CERS6: variants seen among roughly 807,000 people sequenced by gnomAD.
CERS6 encodes the protein ceramide synthase 6.
In CERS6, 26 loss-of-function variants were observed where a neutral mutation model predicts 56.8. The observed-to-expected ratio is 0.46, with a 90% CI of 0.34 to 0.63. The LOEUF is 0.63. CERS6 is among the 30% of genes least tolerant of loss of function. The pLI, the probability that CERS6 is intolerant of heterozygous loss-of-function variation, is 0.01. For synonymous variants in CERS6, 164 were observed against 173.3 expected (o/e 0.95, Z 0.42); for missense variants, 415 against 467.5 (o/e 0.89, Z 1.04).
chr2:168,518,685 C>T (rs887949910), intron 1 of CERS6, among the ~76,000 whole-genome samples: 21 of 152,280 alleles, frequency 1.4e-4, no homozygotes, highest in African/African-American at 5.1e-4. Context: ...AGTGTTCCTA[C>T]AGCTGTGTCT....
intron 6 of CERS6, among the ~76,000 whole-genome samples, chr2:168,710,265 T>G (rs761565098): frequency 6.6e-6 from 1 of 152,232 alleles, no homozygotes; most frequent in Non-Finnish European, 1.5e-5. Flanking sequence ...GTACTAATCC[T>G]CCATAAGTGT....
intron 3 of CERS6, among the ~76,000 whole-genome samples, chr2:168,616,144 AC>A (rs985919437): frequency 1.3e-4 from 20 of 152,356 alleles, no homozygotes; most frequent in African/African-American, 4.6e-4. Context: ...AAGGAAAGAT[AC>A]AGTCTTTTTC....
chr2:168,649,245 C>A (rs948996893), intron 4 of CERS6, among the ~76,000 whole-genome samples: 1 of 151,870 alleles, frequency 6.6e-6, no homozygotes, highest in Admixed American at 6.6e-5. Context: ...TATTACTCCA[C>A]TTAAAACAGA....
chr2:168,640,366 G>C (rs1684960756), intron 4 of CERS6, among the ~76,000 whole-genome samples: 1 of 152,166 alleles, frequency 6.6e-6, no homozygotes, highest in Non-Finnish European at 1.5e-5. Context: ...GGATTTAAAG[G>C]GTGTTCCATT....
intron 6 of CERS6, among the ~76,000 whole-genome samples, chr2:168,709,920 A>G (rs904980885): frequency 2.4e-4 from 37 of 152,190 alleles, no homozygotes; most frequent in African/African-American, 8.7e-4. Flanking sequence ...TAATTATTAC[A>G]TGGCCTTTAT....
At chr2:168,473,250 CAT>C (rs1443533307) in intron 1 of CERS6, among the ~76,000 whole-genome samples, 1 of 151,838 alleles carries the variant, frequency 6.6e-6, no homozygotes, top group African/African-American at 2.4e-5. Flanking sequence ...TCTTTTCACT[CAT>C]GTTTGTTTAA....
At chr2:168,577,963 G>A (rs1335477222) in intron 3 of CERS6, among the ~76,000 whole-genome samples, 1 of 152,166 alleles carries the variant, frequency 6.6e-6, no homozygotes, top group South Asian at 2.1e-4. Flanking sequence ...GTAGGTGCCA[G>A]TAGGGTGCGG....
chr2:168,510,716 A>G (rs991004868), intron 1 of CERS6, among the ~76,000 whole-genome samples: 1 of 152,180 alleles, frequency 6.6e-6, no homozygotes, highest in Non-Finnish European at 1.5e-5. Context: ...GTGAGTTTTT[A>G]AAATTTATAT....
At chr2:168,477,445 A>G (rs747395426) in intron 1 of CERS6, among the ~76,000 whole-genome samples, 47 of 152,134 alleles carry the variant, frequency 3.1e-4, no homozygotes, top group African/African-American at 8.7e-4. Flanking sequence ...ACATCTTTTT[A>G]TGGAAATATT....
intron 4 of CERS6, among the ~76,000 whole-genome samples, chr2:168,657,930 G>A (rs911162441): frequency 7.2e-5 from 11 of 152,262 alleles, no homozygotes; most frequent in Non-Finnish European, 1.3e-4. Context: ...TGCCACCGAA[G>A]TGGGAGCCCA....
chr2:168,737,124 A>C lies in CERS6; in HGVS notation c.845+19146A>C, dbSNP rs545818594. On this transcript the variant is annotated intron_variant, in intron 8 of 9. Coordinates refer to ENST00000305747, the MANE Select transcript of CERS6 (RefSeq NM_203463.3). ...CTTCCTGATAGCATGCCAGCCTCTTAAGAGGCACAAGCAATTGTGATAGAG... is the reference window on the plus strand; with the variant it reads ...CTTCCTGATAGCATGCCAGCCTCTTCAGAGGCACAAGCAATTGTGATAGAG... 5.3e-5 allele frequency among the ~76,000 whole-genome samples: 8 copies of C among 152,292 alleles called. No individual in the cohort carries two copies. The East Asian group carries it at 1.5e-3, about 29-fold the overall frequency.
At chr2:168,725,405 A>G (rs897842720) in intron 8 of CERS6, among the ~76,000 whole-genome samples, 1 of 152,268 alleles carries the variant, frequency 6.6e-6, no homozygotes, top group East Asian at 1.9e-4. Flanking sequence ...GCCCAGGCAC[A>G]GGAGGCGCCG....
intron 4 of CERS6, among the ~76,000 whole-genome samples, chr2:168,645,377 G>C (rs1405209337): frequency 6.6e-6 from 1 of 150,756 alleles, no homozygotes; most frequent in Non-Finnish European, 1.5e-5. Context: ...TAACTTAGCA[G>C]GAGAGGGGCG....
At chr2:168,649,824 C>T (rs1401179436) in intron 4 of CERS6, among the ~76,000 whole-genome samples, 1 of 152,006 alleles carries the variant, frequency 6.6e-6, no homozygotes, top group Non-Finnish European at 1.5e-5. Flanking sequence ...CTTTCCCCCT[C>T]GTAGAGGACT....
intron 1 of CERS6, among the ~76,000 whole-genome samples, chr2:168,484,094 A>G (rs1030735624): frequency 6.6e-6 from 1 of 151,552 alleles, no homozygotes; most frequent in African/African-American, 2.4e-5. Flanking sequence ...AGGAAGTTCT[A>G]CATGTCACTG....
At chr2:168,661,658 A>G (rs1685631636) in intron 4 of CERS6, among the ~76,000 whole-genome samples, 1 of 152,224 alleles carries the variant, frequency 6.6e-6, no homozygotes, top group South Asian at 2.1e-4. Context: ...TCTCTCATGC[A>G]TTCAGGGTAA....
intron 2 of CERS6, among the ~76,000 whole-genome samples, chr2:168,550,107 A>T (rs1695539587): frequency 6.6e-6 from 1 of 152,216 alleles, no homozygotes; most frequent in South Asian, 2.1e-4. Flanking sequence ...AGTGCCATTA[A>T]GCATACAAAA....
At chr2:168,521,375 G>A (rs919744336) in intron 1 of CERS6, among the ~76,000 whole-genome samples, 1 of 152,190 alleles carries the variant, frequency 6.6e-6, no homozygotes, top group Non-Finnish European at 1.5e-5. Flanking sequence ...CTAACAGAGA[G>A]ATAACGCCTA....
At chr2:168,763,523 A>G (rs1015365000) in intron 8 of CERS6, among the ~76,000 whole-genome samples, 1 of 151,978 alleles carries the variant, frequency 6.6e-6, no homozygotes, top group Non-Finnish European at 1.5e-5. Context: ...CAGCCTCCCA[A>G]AGTGCTGGGA....
Sources: allele counts gnomAD v4.1 joint callset (sites outside exome capture counted in the v4.1 genomes callset), GRCh38; gene constraint gnomAD v4.1.1; transcripts MANE v1.5; gene names NCBI Gene and HGNC (gene_info 2026-07-23, HGNC 2026-07-21).